Variants in FAF1 observed in about 807,000 individuals in gnomAD.
The protein encoded by FAF1 is FAS-associated factor 1.
Under a neutral mutation model 92.5 loss-of-function variants are expected in FAF1, and 25 were observed. The observed-to-expected ratio is 0.27, with a 90% CI of 0.20 to 0.38. FAF1 has a LOEUF of 0.38. Ranked by LOEUF, FAF1 falls within the 10% of genes least tolerant of loss-of-function variation. The pLI is 1.00. For synonymous variants in FAF1, 234 were observed against 273.2 expected (o/e 0.86, Z 1.42); for missense variants, 636 against 793.3 (o/e 0.80, Z 2.38).
At chr1:50,492,678 T>C (rs1434322492) in intron 15 of FAF1, among the ~76,000 whole-genome samples, 1 of 152,202 alleles carries the variant, frequency 6.6e-6, no homozygotes, top group Non-Finnish European at 1.5e-5. Context: ...AAGCCACCAA[T>C]ATTTGTGACC....
intron 18 of FAF1, among the ~76,000 whole-genome samples, chr1:50,449,275 A>G (rs2148978218): frequency 6.6e-6 from 1 of 152,204 alleles, no homozygotes; most frequent in Admixed American, 6.5e-5. Context: ...AAATAGGGGG[A>G]CATTTCTTAT....
In FAF1 at chr1:50,584,867, A is replaced by C. The variant is rs976289404; in HGVS notation, c.841-56T>G. On this transcript the variant is annotated intron_variant, in intron 9 of 18. Coordinates refer to ENST00000396153, the MANE Select transcript of FAF1 (RefSeq NM_007051.3). ...ATTGATTTTGGCCTATCAAATTCTAAGAATAAGTTATAATAATAACAACAG... is the reference window on the plus strand; with the variant it reads ...ATTGATTTTGGCCTATCAAATTCTACGAATAAGTTATAATAATAACAACAG... 2.7e-6 allele frequency: 4 copies of C among 1,502,362 alleles called. No homozygotes were observed. In the East Asian group the frequency reaches 9.1e-5, roughly 34 times the overall value. 93.1% of individuals were successfully genotyped at this position (1,502,362 alleles called of 1,614,324 possible).
At chr1:50,844,149 A>G (rs1271767543) in intron 2 of FAF1, among the ~76,000 whole-genome samples, 1 of 152,076 alleles carries the variant, frequency 6.6e-6, no homozygotes, top group South Asian at 2.1e-4. Context: ...GCATTTTTTC[A>G]TGTACCTGTT....
chr1:50,702,016 G>C (rs1173399043), intron 7 of FAF1, among the ~76,000 whole-genome samples: 1 of 151,956 alleles, frequency 6.6e-6, no homozygotes, highest in Non-Finnish European at 1.5e-5. Flanking sequence ...AAAATACTTA[G>C]GTTTCTTATT....
In FAF1 at chr1:50,742,915, T is replaced by C. The variant is rs1268661294; in HGVS notation, c.459+1769A>G. ...CCTGTGAGTTAAGAATGGTTTTCAC[T>C]TTTTTTAAAGGTTGGAAAATAAATC... is the stretch of plus-strand genomic sequence containing the variant. On this transcript the variant is annotated intron_variant, in intron 5 of 18. Transcript: ENST00000396153. 3.9e-5 allele frequency among the ~76,000 whole-genome samples: 6 copies of C among 152,330 alleles called. No individual in the cohort carries two copies. The East Asian group carries it at 9.6e-4, about 24-fold the overall frequency.
chr1:50,518,631 G>A (rs551498286), intron 15 of FAF1, among the ~76,000 whole-genome samples: 22 of 151,970 alleles, frequency 1.4e-4, no homozygotes, highest in African/African-American at 2.7e-4. Context: ...TAGTAGAGAC[G>A]GAGTTTCACC....
chr1:50,750,161 C>T (rs1202023442), intron 4 of FAF1, among the ~76,000 whole-genome samples: 1 of 152,130 alleles, frequency 6.6e-6, no homozygotes, highest in Non-Finnish European at 1.5e-5. Flanking sequence ...AAAGATCTTA[C>T]CACAAGATGG....
chr1:50,641,303 G>T (rs6658904), intron 8 of FAF1, among the ~76,000 whole-genome samples: 74,357 of 151,656 alleles, frequency 0.49, 20,323 homozygotes, highest in African/African-American at 0.72. Flanking sequence ...ACATTGGACC[G>T]CCTTTTAAAT....
chr1:50,836,922 A>G (rs183775834), intron 2 of FAF1, among the ~76,000 whole-genome samples: 1 of 137,950 alleles, frequency 7.2e-6, no homozygotes. Flanking sequence ...AACTCTTCCA[A>G]TTGTCTCTTA....
At chr1:50,460,173 C>T (rs1646408008) in intron 18 of FAF1, among the ~76,000 whole-genome samples, 1 of 152,160 alleles carries the variant, frequency 6.6e-6, no homozygotes, top group African/African-American at 2.4e-5. Flanking sequence ...CCCTTTATAC[C>T]TGACCTCATA....
intron 8 of FAF1, among the ~76,000 whole-genome samples, chr1:50,614,120 C>CA (rs1652799906): frequency 6.6e-6 from 1 of 151,436 alleles, no homozygotes; most frequent in Non-Finnish European, 1.5e-5. Context: ...AAAACACACA[C>CA]AAAAAAACCA....
intron 13 of FAF1, 88 bp from the exon 14 acceptor site, chr1:50,539,816 G>A: frequency 3.2e-6 from 3 of 950,800 alleles, no homozygotes. Context: ...TGTGTTATTA[G>A]TTATGTTAAA....
At chr1:50,848,754 G>A (rs575677182) in intron 2 of FAF1, among the ~76,000 whole-genome samples, 1 of 152,260 alleles carries the variant, frequency 6.6e-6, no homozygotes, top group African/African-American at 2.4e-5. Context: ...AACCCAAACT[G>A]AGGAACATGC....
intron 2 of FAF1, among the ~76,000 whole-genome samples, chr1:50,818,157 A>G (rs1643996440): frequency 6.6e-6 from 1 of 152,210 alleles, no homozygotes; most frequent in Admixed American, 6.5e-5. Flanking sequence ...ATTATACCTC[A>G]ATGAAGTTAA....
chr1:50,495,896 C>T (rs1331577294), intron 15 of FAF1, among the ~76,000 whole-genome samples: 3 of 152,098 alleles, frequency 2.0e-5, no homozygotes, highest in Non-Finnish European at 4.4e-5. Context: ...CCTGGTTTTT[C>T]CCCACTGTGG....
intron 2 of FAF1, among the ~76,000 whole-genome samples, chr1:50,832,470 C>T (rs1369879256): frequency 6.6e-6 from 1 of 152,206 alleles, no homozygotes; most frequent in Non-Finnish European, 1.5e-5. Context: ...GTGCCAATAG[C>T]ACCCTCAGAG....
At chr1:50,681,991 G>A (rs1323886090) in intron 7 of FAF1, among the ~76,000 whole-genome samples, 2 of 151,614 alleles carry the variant, frequency 1.3e-5, no homozygotes, top group African/African-American at 2.4e-5. Context: ...GTACCACCAT[G>A]CCTGGCTAAT....
intron 4 of FAF1, among the ~76,000 whole-genome samples, chr1:50,756,825 T>C (rs1425495817): frequency 2.0e-5 from 3 of 152,176 alleles, no homozygotes; most frequent in African/African-American, 7.2e-5. Flanking sequence ...TCAGATCTCA[T>C]GAGACTTATT....
At chr1:50,742,988 G>A (rs1330361326) in intron 5 of FAF1, among the ~76,000 whole-genome samples, 1 of 152,160 alleles carries the variant, frequency 6.6e-6, no homozygotes, top group African/African-American at 2.4e-5. Flanking sequence ...TCAAATGTCT[G>A]CATCCATAAA....
Sources: gnomAD v4.1 joint callset for allele counts (sites outside exome capture counted in the v4.1 genomes callset) on GRCh38, gnomAD v4.1.1 for gene constraint, MANE v1.5 for transcripts, NCBI Gene and HGNC (gene_info 2026-07-23, HGNC 2026-07-21) for gene names.